The following PLCB1 variants were observed in gnomAD, a reference collection of about 807,000 sequenced individuals.
PLCB1 encodes 1-phosphatidylinositol 4,5-bisphosphate phosphodiesterase beta-1.
In PLCB1, 46 loss-of-function variants were observed where a neutral mutation model predicts 161.8. The observed-to-expected ratio is 0.28, with a 90% confidence interval of 0.22 to 0.36. PLCB1 has a LOEUF of 0.36. PLCB1 is among the 10% of genes least tolerant of loss of function. The pLI, the probability that PLCB1 is intolerant of heterozygous loss-of-function variation, is 1.00. For synonymous variants in PLCB1, 517 were observed against 503.7 expected (o/e 1.03, Z -0.35); for missense variants, 1,016 against 1,472.5 (o/e 0.69, Z 5.07).
At chr20:8,561,411 A>C (rs1350077280) in intron 3 of PLCB1, among the ~76,000 whole-genome samples, 1 of 151,948 alleles carries the variant, frequency 6.6e-6, no homozygotes, top group Non-Finnish European at 1.5e-5. Flanking sequence ...GATAGTCGGG[A>C]TATGAGCAGT....
At chr20:8,319,323 G>T (rs1984798446) in intron 2 of PLCB1, among the ~76,000 whole-genome samples, 1 of 152,096 alleles carries the variant, frequency 6.6e-6, no homozygotes, top group Admixed American at 6.6e-5. Flanking sequence ...CTGGTCTTCT[G>T]GGCTGGCTCA....
chr20:8,435,278 A>G (rs1980247394), intron 3 of PLCB1, among the ~76,000 whole-genome samples: 1 of 152,152 alleles, frequency 6.6e-6, no homozygotes, highest in South Asian at 2.1e-4. Flanking sequence ...TCAGAATCCC[A>G]TCCGTTGGTG....
intron 2 of PLCB1, among the ~76,000 whole-genome samples, chr20:8,338,331 C>T (rs1985661879): frequency 6.6e-6 from 1 of 150,980 alleles, no homozygotes. Flanking sequence ...CCAGTGGAAC[C>T]CAGCATTATA....
chr20:8,871,234 AT>A (rs1323323403), intron 31 of PLCB1, among the ~76,000 whole-genome samples: 1 of 152,202 alleles, frequency 6.6e-6, no homozygotes, highest in Non-Finnish European at 1.5e-5. Flanking sequence ...CAAAGTTGAG[AT>A]TCATGTTTTC....
intron 6 of PLCB1, 76 bp downstream of exon 6, chr20:8,648,029 G>T (rs1043699467): frequency 2.0e-5 from 22 of 1,103,670 alleles, no homozygotes; most frequent in Non-Finnish European, 2.9e-5. Context: ...GCTCTGTTTT[G>T]TTTCTCCAGC....
chr20:8,433,569 G>A (rs1467790184), intron 3 of PLCB1, among the ~76,000 whole-genome samples: 1 of 147,082 alleles, frequency 6.8e-6, no homozygotes, highest in East Asian at 1.9e-4. Context: ...CCTGTTTTCT[G>A]GGTTGTAAAT....
chr20:8,728,473 C>T (rs1980059606), intron 17 of PLCB1, among the ~76,000 whole-genome samples: 1 of 152,026 alleles, frequency 6.6e-6, no homozygotes, highest in Non-Finnish European at 1.5e-5. Context: ...GTACATTGAC[C>T]TTGCTATCAA....
At position 8,727,093 on chromosome 20, in the gene PLCB1, A is replaced by C. The variant is rs183170173; in HGVS notation, c.1679-216A>C. On this transcript the variant is annotated intron_variant, in intron 16 of 31. Coordinates refer to ENST00000338037, the MANE Select transcript of PLCB1 (RefSeq NM_015192.4). ...CAAAAGCATAAGTAGCTCTGACCCA[A>C]GTAGCAAACGTTAGAAAAGACAACT... Among the ~76,000 whole-genome samples the C allele has an allele frequency of 1.7e-3, 264 of 152,224 alleles. 2 individuals are homozygous for C. The highest frequency in any genetic ancestry group is 5.8e-3 in the African/African-American group (241 of 41,554).
At chr20:8,192,249 A>G (rs1018762404) in intron 2 of PLCB1, among the ~76,000 whole-genome samples, 1 of 152,050 alleles carries the variant, frequency 6.6e-6, no homozygotes, top group African/African-American at 2.4e-5. Flanking sequence ...TAATCTGTTT[A>G]TACCTATCTC....
intron 2 of PLCB1, among the ~76,000 whole-genome samples, chr20:8,266,766 C>A (rs544464174): frequency 6.6e-6 from 1 of 151,866 alleles, no homozygotes; most frequent in African/African-American, 2.4e-5. Context: ...GGGCCGGGTG[C>A]AGTGGCTCAC....
intron 3 of PLCB1, among the ~76,000 whole-genome samples, chr20:8,589,625 T>A (rs1015616693): frequency 1.4e-5 from 2 of 144,952 alleles, no homozygotes; most frequent in Non-Finnish European, 3.0e-5. Context: ...TTTTTTTTTT[T>A]TTTTTTTTTG....
chr20:8,548,198 C>T (rs1985628533), intron 3 of PLCB1, among the ~76,000 whole-genome samples: 1 of 143,670 alleles, frequency 7.0e-6, no homozygotes, highest in African/African-American at 2.5e-5. Flanking sequence ...TTCTTTCTTC[C>T]CATTTTCTTT....
At chr20:8,856,338 C>T (rs888386636) in intron 31 of PLCB1, among the ~76,000 whole-genome samples, 3 of 151,978 alleles carry the variant, frequency 2.0e-5, no homozygotes, top group African/African-American at 7.3e-5. Context: ...TTGGGGGAGC[C>T]TACAATTTTT....
intron 2 of PLCB1, among the ~76,000 whole-genome samples, chr20:8,360,795 T>A (rs1347933481): frequency 1.3e-5 from 2 of 152,166 alleles, no homozygotes; most frequent in African/African-American, 4.8e-5. Context: ...ACTTAAAATA[T>A]CTCATTTTGG....
At chr20:8,301,928 C>T (rs998142443) in intron 2 of PLCB1, among the ~76,000 whole-genome samples, 1 of 152,220 alleles carries the variant, frequency 6.6e-6, no homozygotes, top group African/African-American at 2.4e-5. Flanking sequence ...TCACCATTTG[C>T]TGGTTCTGTG....
chr20:8,544,984 A>G (rs929186034), intron 3 of PLCB1, among the ~76,000 whole-genome samples: 7 of 152,172 alleles, frequency 4.6e-5, no homozygotes, highest in Admixed American at 4.6e-4. Flanking sequence ...TGAAGCATGG[A>G]AGGATACACA....
intron 3 of PLCB1, among the ~76,000 whole-genome samples, chr20:8,501,485 T>C (rs531799884): frequency 1.4e-4 from 21 of 152,338 alleles, no homozygotes; most frequent in Non-Finnish European, 2.6e-4. Flanking sequence ...CATTGTGCCT[T>C]CCCATGAGGG....
intron 3 of PLCB1, among the ~76,000 whole-genome samples, chr20:8,556,119 C>A (rs1399365304): frequency 6.6e-6 from 1 of 151,896 alleles, no homozygotes; most frequent in Non-Finnish European, 1.5e-5. Flanking sequence ...ATATATATTT[C>A]CCATCCTGGC....
intron 2 of PLCB1, among the ~76,000 whole-genome samples, chr20:8,231,412 G>A (rs548288542): frequency 6.6e-6 from 1 of 152,190 alleles, no homozygotes; most frequent in South Asian, 2.1e-4. Flanking sequence ...ATGTTCCCTG[G>A]GGAGCAAAAT....
Sources: gnomAD v4.1 joint callset for allele counts (sites outside exome capture counted in the v4.1 genomes callset) on GRCh38, gnomAD v4.1.1 for gene constraint, MANE v1.5 for transcripts, NCBI Gene and HGNC (gene_info 2026-07-23, HGNC 2026-07-21) for gene names.